FLRT2: variants seen among roughly 807,000 people sequenced by gnomAD.
FLRT2 encodes the protein leucine-rich repeat transmembrane protein FLRT2.
Under a neutral mutation model 40.0 loss-of-function variants are expected in FLRT2, and 15 were observed. That is an observed-to-expected ratio of 0.38 (90% CI 0.25 to 0.58). FLRT2 has a LOEUF of 0.58. FLRT2 is among the 20% of genes least tolerant of loss of function. FLRT2 has a pLI of 0.71. For synonymous variants in FLRT2, 380 were observed against 336.8 expected, an observed-to-expected ratio of 1.13 and a Z score of -1.41; for missense variants, 726 against 840.0, an observed-to-expected ratio of 0.86 and a Z score of 1.68.
chr14:85,612,354 A>G (rs1462447568), intron 1 of FLRT2, among the ~76,000 whole-genome samples: 2 of 152,200 alleles, frequency 1.3e-5, no homozygotes, highest in Admixed American at 1.3e-4. Flanking sequence ...CACATAATCA[A>G]GGCCACCACT....
At chr14:85,588,366 G>A (rs1273463898) in intron 1 of FLRT2, among the ~76,000 whole-genome samples, 1 of 151,926 alleles carries the variant, frequency 6.6e-6, no homozygotes, top group East Asian at 1.9e-4. Context: ...ACCCTTCAAG[G>A]CAGGTATGCT....
At chr14:85,567,761 C>T (rs1458850019) in intron 1 of FLRT2, among the ~76,000 whole-genome samples, 1 of 151,448 alleles carries the variant, frequency 6.6e-6, no homozygotes, top group Non-Finnish European at 1.5e-5. Context: ...CCGCCTCAGC[C>T]CTCCGAGTAG....
chr14:85,598,959 C>A (rs1376349068), intron 1 of FLRT2, among the ~76,000 whole-genome samples: 1 of 146,770 alleles, frequency 6.8e-6, no homozygotes, highest in East Asian at 2.1e-4. Flanking sequence ...GCTCTGTCGC[C>A]CAGGCTGGAG....
At chr14:85,553,670 G>A (rs1889780645) in intron 1 of FLRT2, among the ~76,000 whole-genome samples, 2 of 152,078 alleles carry the variant, frequency 1.3e-5, no homozygotes, top group Admixed American at 6.5e-5. Flanking sequence ...ACAAATATTT[G>A]TGGAAGGAAA....
chr14:85,549,404 C>T lies in FLRT2; in HGVS notation c.-377+18870C>T, dbSNP rs183024427. 7.2e-5 allele frequency among the ~76,000 whole-genome samples: 11 copies of T among 152,308 alleles called. No homozygotes were observed. The East Asian group carries it at 1.2e-3, about 16-fold the overall frequency. On this transcript the variant is annotated intron_variant, in intron 1 of 1. Transcript: ENST00000330753. Reference sequence around the variant, plus strand: ...TTGTCCTGGCCTCTGCACCTGCTCACCTGTGTGCTACCCTGCCCATGAGGG... The same window carrying T: ...TTGTCCTGGCCTCTGCACCTGCTCATCTGTGTGCTACCCTGCCCATGAGGG...
chr14:85,577,376 T>C (rs1234780033), intron 1 of FLRT2, among the ~76,000 whole-genome samples: 5 of 152,158 alleles, frequency 3.3e-5, no homozygotes, highest in African/African-American at 1.2e-4. Context: ...AAAATTCCTG[T>C]TGACATTCAA....
At chr14:85,592,808 G>GA (rs35794980) in intron 1 of FLRT2, among the ~76,000 whole-genome samples, 66,219 of 128,916 alleles carry the variant, frequency 0.51, 16,162 homozygotes, top group East Asian at 0.79. Context: ...AAAAAAAAAA[G>GA]AAAAAAAAGA....
intron 1 of FLRT2, among the ~76,000 whole-genome samples, chr14:85,618,175 T>C (rs1342428303): frequency 6.6e-6 from 1 of 152,208 alleles, no homozygotes; most frequent in East Asian, 1.9e-4. Flanking sequence ...TGTTAGTTGA[T>C]GAACTCTAAG....
At chr14:85,606,746 A>G (rs1233742923) in intron 1 of FLRT2, among the ~76,000 whole-genome samples, 3 of 150,694 alleles carry the variant, frequency 2.0e-5, no homozygotes, top group Non-Finnish European at 4.4e-5. Context: ...GATGGTCTCC[A>G]TCTCCTGACC....
At chr14:85,601,740 G>A (rs1305668194) in intron 1 of FLRT2, among the ~76,000 whole-genome samples, 1 of 152,142 alleles carries the variant, frequency 6.6e-6, no homozygotes, top group Non-Finnish European at 1.5e-5. Context: ...ATGCATCAGA[G>A]AAAACTTTGT....
At chr14:85,610,395 T>C (rs1329474355) in intron 1 of FLRT2, among the ~76,000 whole-genome samples, 1 of 152,220 alleles carries the variant, frequency 6.6e-6, no homozygotes, top group Non-Finnish European at 1.5e-5. Context: ...CTTTCAGCTC[T>C]TTATTGGCTA....
At position 85,621,268 on chromosome 14, in the gene FLRT2, T is replaced by C. The variant is rs982409198; in HGVS notation, c.-247T>C. On this transcript the variant is annotated 5_prime_UTR_variant, in exon 2 of 2. Coordinates refer to ENST00000330753, the MANE Select transcript of FLRT2 (RefSeq NM_013231.6). ...CGGCTGATAACTTGCCATCACCTGT[T>C]GCCAGTGTGGAAAAATTCTCCCTGT... is the stretch of plus-strand genomic sequence containing the variant. The C allele has an allele frequency of 5.7e-6, 3 of 524,006 alleles. No homozygotes were observed. The highest frequency in any genetic ancestry group is 1.0e-5 in the Non-Finnish European group (3 of 299,660). 32.5% of individuals were successfully genotyped at this position (524,006 alleles called of 1,614,324 possible).
chr14:85,570,432 TA>T (rs1300990819), intron 1 of FLRT2, among the ~76,000 whole-genome samples: 1 of 152,190 alleles, frequency 6.6e-6, no homozygotes, highest in African/African-American at 2.4e-5. Flanking sequence ...TATCAATTAT[TA>T]TTTTTTAAAA....
At chr14:85,607,745 T>C (rs1265992258) in intron 1 of FLRT2, among the ~76,000 whole-genome samples, 4 of 152,226 alleles carry the variant, frequency 2.6e-5, no homozygotes, top group Admixed American at 1.3e-4. Context: ...TTATGTATTA[T>C]GCATTTTATG....
intron 1 of FLRT2, among the ~76,000 whole-genome samples, chr14:85,614,427 C>T (rs1391935990): frequency 6.6e-6 from 1 of 152,018 alleles, no homozygotes; most frequent in East Asian, 1.9e-4. Flanking sequence ...CTTTGTCATG[C>T]TGTTAGGGAA....
At chr14:85,609,638 TATG>T (rs1419750477) in intron 1 of FLRT2, among the ~76,000 whole-genome samples, 1 of 152,090 alleles carries the variant, frequency 6.6e-6, no homozygotes, top group Non-Finnish European at 1.5e-5. Context: ...TCTAGAAACA[TATG>T]AGCATATTTC....
chr14:85,634,531 T>TAA lies in FLRT2; in HGVS notation c.*11035_*11036dup, dbSNP rs1893956543. On this transcript the variant is annotated 3_prime_UTR_variant, in exon 2 of 2. Transcript: ENST00000330753. Reference sequence around the variant, plus strand: ...TTATATCTAACAGCAACTGTGTCTATAAGACTGTAGCCTATTGGATGGGAA... The same window carrying TAA: ...TTATATCTAACAGCAACTGTGTCTATAAAAGACTGTAGCCTATTGGATGGGAA... The TAA allele has an allele frequency of 6.6e-6, 1 of 152,230 alleles. No individual in the cohort carries two copies. Among genetic ancestry groups the TAA allele is most frequent in the African/African-American group, 2.4e-5 (1 of 41,456 alleles). 9.4% of individuals were successfully genotyped at this position (152,230 alleles called of 1,614,324 possible). A position where few individuals can be genotyped will look rare whatever the true frequency, so the allele number is the denominator to read the frequency against.
At position 85,557,409 on chromosome 14, in the gene FLRT2, G is replaced by C. The variant is rs566488905; in HGVS notation, c.-377+26875G>C. Among the ~76,000 whole-genome samples, 5 of 152,172 alleles carry C rather than the reference G, an allele frequency of 3.3e-5. No individual in the cohort carries two copies. In the South Asian group the frequency reaches 8.3e-4, roughly 25 times the overall value. On this transcript the variant is annotated intron_variant, in intron 1 of 1. Transcript: ENST00000330753. ...ATTAATAAATCTTCTGGAATTTCTT[G>C]TTTCTTCAGGTTACATTAGGAATAT...
At chr14:85,590,453 A>G (rs1190473398) in intron 1 of FLRT2, among the ~76,000 whole-genome samples, 4 of 152,204 alleles carry the variant, frequency 2.6e-5, no homozygotes, top group Non-Finnish European at 5.9e-5. Context: ...GGTGAAGTGC[A>G]TTGATGAATA....
Sources: allele counts gnomAD v4.1 joint callset (sites outside exome capture counted in the v4.1 genomes callset), GRCh38; gene constraint gnomAD v4.1.1; transcripts MANE v1.5; gene names NCBI Gene and HGNC (gene_info 2026-07-23, HGNC 2026-07-21).